Variants in ADARB1 observed in about 807,000 individuals in gnomAD.
ADARB1 encodes adenosine deaminase RNA specific B1.
ADARB1 carries 10 observed loss-of-function variants against 52.4 expected under a neutral mutation model. That is an observed-to-expected ratio of 0.19 (90% CI 0.12 to 0.32). The LOEUF (loss-of-function observed/expected upper bound fraction) is 0.32, where lower values mean the gene tolerates loss of function less well. Ranked by LOEUF, ADARB1 falls within the 10% of genes least tolerant of loss-of-function variation. The probability of loss-of-function intolerance (pLI) is 1.00; values close to 1 mark genes in which losing one functional copy is unlikely to be tolerated. For missense variants in ADARB1, 643 were observed against 922.3 expected (o/e 0.70, Z 3.92); for synonymous variants, 349 against 371.1 (o/e 0.94, Z 0.68).
Position 45,224,407 on chromosome 21 carries a change from G to A in ADARB1, c.*2210G>A, listed in dbSNP as rs898241593. 151 of 980,316 alleles carry A rather than the reference G, an allele frequency of 1.5e-4. No individual in the cohort carries two copies. In the African/African-American group the frequency reaches 2.3e-3, roughly 15 times the overall value. 60.7% of individuals were successfully genotyped at this position (980,316 alleles called of 1,614,324 possible). On this transcript the variant is annotated 3_prime_UTR_variant, in exon 11 of 11. Coordinates refer to ENST00000348831, the MANE Select transcript of ADARB1 (RefSeq NM_001112.4). ...GCACCTTTCCGGGGTGGACTCGTGC[G>A]GCCTTGAGGACAGGCACAGGGCACC... is the stretch of plus-strand genomic sequence containing the variant.
Position 45,208,435 on chromosome 21 carries a change from A to G in ADARB1, c.1747+3699A>G, listed in dbSNP as rs568746419. Among the ~76,000 whole-genome samples the G allele has an allele frequency of 6.6e-6, 1 of 152,336 alleles. No homozygotes were observed. The highest frequency in any genetic ancestry group is 1.5e-5 in the Non-Finnish European group (1 of 68,036). ...CTCTGGGAGGACAGCACAGGGACCC[A>G]AGGGGGCTGGCAGCAGGCCCAGGTG... On this transcript the variant is annotated intron_variant, in intron 9 of 10. Transcript: ENST00000348831. The surrounding 1 kb of genome is among the most constrained non-coding windows in gnomAD (Gnocchi z 5.6).
At chr21:45,156,606 T>G (rs1002047923) in intron 2 of ADARB1, among the ~76,000 whole-genome samples, 1 of 144,206 alleles carries the variant, frequency 6.9e-6, no homozygotes, top group Non-Finnish European at 1.5e-5. Context: ...CTTCCATCCA[T>G]CCACCCACCC....
chr21:45,176,517 G>A lies in ADARB1; in HGVS notation c.816G>A (p.Gln272=). Reference sequence around the variant, plus strand: ...TCATGTCTGTGGTCGTGGATGGTCAGTTCTTTGAAGGCTCGGGGAGAAACA... The same window carrying A: ...TCATGTCTGTGGTCGTGGATGGTCAATTCTTTGAAGGCTCGGGGAGAAACA... ...SFVMSVVVDG[Q]FFEGSGRNKK... Residue 272 remains glutamine, a synonymous_variant, in exon 4 of 11, where the codon CAG becomes CAA. Coordinates refer to ENST00000348831, the MANE Select transcript of ADARB1 (RefSeq NM_001112.4). This position sits in a 1 kb window ranked among gnomAD's most constrained non-coding sequence, Gnocchi z 5.8. 6.2e-7 allele frequency: 1 copy of A among 1,614,234 alleles called. No individual in the cohort carries two copies. Among genetic ancestry groups the A allele is most frequent in the Non-Finnish European group, 8.5e-7 (1 of 1,180,046 alleles).
chr21:45,098,034 C>T (rs2086839489), intron 1 of ADARB1, among the ~76,000 whole-genome samples: 1 of 152,138 alleles, frequency 6.6e-6, no homozygotes, highest in South Asian at 2.1e-4. Flanking sequence ...GGCAGTCATC[C>T]TAGCCACCTC....
chr21:45,182,435 G>A, intron 5 of ADARB1, 150 bp from the exon 6 acceptor site: 1 of 755,170 alleles, frequency 1.3e-6, no homozygotes. Flanking sequence ...TAAAAAATAG[G>A]TGGTAAGAAT....
chr21:45,137,552 G>A (rs1279465980), intron 2 of ADARB1, among the ~76,000 whole-genome samples: 2 of 152,204 alleles, frequency 1.3e-5, no homozygotes, highest in African/African-American at 2.4e-5. Flanking sequence ...CCATCAATCC[G>A]ATTTAAAATA....
chr21:45,191,898 T>A (rs1352605498), intron 8 of ADARB1, among the ~76,000 whole-genome samples: 46 of 43,702 alleles, frequency 1.1e-3, no homozygotes, highest in East Asian at 3.5e-3. Context: ...TTTTTTTTTT[T>A]TTTTTTTTTT....
At chr21:45,163,313 C>G (rs1569098368) in intron 2 of ADARB1, among the ~76,000 whole-genome samples, 1 of 152,238 alleles carries the variant, frequency 6.6e-6, no homozygotes, top group East Asian at 1.9e-4. Context: ...GCACAGGTAA[C>G]ATTCCCTGGC....
chr21:45,148,659 A>G lies in ADARB1; in HGVS notation c.-48+20086A>G, dbSNP rs140681934. On this transcript the variant is annotated intron_variant, in intron 2 of 10. Coordinates refer to ENST00000348831, the MANE Select transcript of ADARB1 (RefSeq NM_001112.4). ...GCTGGTGCTGAGTTCTGCAGCAGTC[A>G]AGAAGTAGAGCAGAGCTGAAATCCT... 3.7e-3 allele frequency among the ~76,000 whole-genome samples: 560 copies of G among 152,294 alleles called. 2 individuals are homozygous for G. The highest frequency in any genetic ancestry group is 5.6e-3 in the Non-Finnish European group (378 of 68,004).
rs140830100 is a variant in ADARB1, at chr21:45,208,625, CGTGTGTGTGTGTGT to C, written c.1747+3891_1747+3904del. On this transcript the variant is annotated intron_variant, in intron 9 of 10. Coordinates refer to ENST00000348831, the MANE Select transcript of ADARB1 (RefSeq NM_001112.4). The surrounding 1 kb of genome is among the most constrained non-coding windows in gnomAD (Gnocchi z 5.6). ...TGGAAAGTGTGTGTGTGTATGTGTG[CGTGTGTGTGTGTGT>C]GAGTGCATGTGAGTGTGTGCATGAG... is the stretch of plus-strand genomic sequence containing the variant. 6.7e-6 allele frequency among the ~76,000 whole-genome samples: 1 copy of C among 149,188 alleles called. No homozygotes were observed. The highest frequency in any genetic ancestry group is 1.5e-5 in the Non-Finnish European group (1 of 66,884).
At chr21:45,096,142 A>G (rs1428128028) in intron 1 of ADARB1, among the ~76,000 whole-genome samples, 1 of 152,244 alleles carries the variant, frequency 6.6e-6, no homozygotes, top group Non-Finnish European at 1.5e-5. Context: ...GCTGGGGGCA[A>G]GCCCCTTCCA....
rs556307322 is a variant in ADARB1, at chr21:45,104,025, G to A, written c.-219-24377G>A. Among the ~76,000 whole-genome samples, 9 of 152,298 alleles carry A rather than the reference G, an allele frequency of 5.9e-5. No homozygotes were observed. In the South Asian group the frequency reaches 1.7e-3, roughly 28 times the overall value. ...TTATCGAACCAGGCCCCAGGGGTCA[G>A]TGACGGTTGATCTCCAAGGGGTTCA... is the stretch of plus-strand genomic sequence containing the variant. On this transcript the variant is annotated intron_variant, in intron 1 of 10. Transcript: ENST00000348831.
chr21:45,095,699 G>C (rs2086730259), intron 1 of ADARB1, among the ~76,000 whole-genome samples: 1 of 152,174 alleles, frequency 6.6e-6, no homozygotes, highest in African/African-American at 2.4e-5. Context: ...GGCAGGAAGG[G>C]GTGTCTCTGC....
At chr21:45,078,730 T>C (rs1396745610) in intron 1 of ADARB1, among the ~76,000 whole-genome samples, 1 of 152,144 alleles carries the variant, frequency 6.6e-6, no homozygotes, top group African/African-American at 2.4e-5. Flanking sequence ...GATTTTAAGT[T>C]TGATGGGAAG....
chr21:45,182,851 G>GA lies in ADARB1; in HGVS notation c.1247+102dup, dbSNP rs372949334. On this transcript the variant is annotated intron_variant, in intron 6 of 10. Transcript: ENST00000348831. Reference sequence around the variant, plus strand: ...ACCTTTCATTGTTTCTGTAATCATGGAAAATCTCTCAAAATCATAACTTTA... The same window carrying GA: ...ACCTTTCATTGTTTCTGTAATCATGGAAAAATCTCTCAAAATCATAACTTTA... The GA allele has an allele frequency of 3.9e-5, 46 of 1,182,046 alleles. No homozygotes were observed. The African/African-American group carries it at 5.9e-4, about 15-fold the overall frequency. The allele number at this position is 1,182,046 out of a possible 1,614,324, so 73.2% of individuals were successfully genotyped here.
intron 7 of ADARB1, 73 bp from the exon 8 acceptor site, chr21:45,184,850 G>A: frequency 6.9e-7 from 1 of 1,441,194 alleles, no homozygotes; most frequent in Non-Finnish European, 9.5e-7. Context: ...ATAAGCTATT[G>A]TTAGATGTGC....
At position 45,184,803 on chromosome 21, in the gene ADARB1, CAT is replaced by C. The variant is rs1199216037; in HGVS notation, c.1397-117_1397-116del. The C allele has an allele frequency of 6.0e-5, 66 of 1,101,168 alleles. No homozygotes were observed. In the East Asian group the frequency reaches 1.2e-3, roughly 20 times the overall value. 68.2% of individuals were successfully genotyped at this position (1,101,168 alleles called of 1,614,324 possible). A position where few individuals can be genotyped will look rare whatever the true frequency, so the allele number is the denominator to read the frequency against. On this transcript the variant is annotated intron_variant, in intron 7 of 10. Transcript: ENST00000348831. ...GTGTATTTTGTATGTATGGCATAAA[CAT>C]ATGCATTTATATGCACAGACTGTAT...
intron 8 of ADARB1, among the ~76,000 whole-genome samples, chr21:45,197,404 G>A (rs1319040184): frequency 6.6e-6 from 1 of 151,828 alleles, no homozygotes. Context: ...GGAGGCTGAG[G>A]CAGGAGTATC....
intron 5 of ADARB1, 80 bp downstream of exon 5, chr21:45,180,524 A>T (rs1174885930): frequency 2.6e-6 from 3 of 1,138,462 alleles, no homozygotes; most frequent in East Asian, 2.5e-5. Flanking sequence ...GACAAAAACC[A>T]CTGTGCCACA....
Sources: allele counts gnomAD v4.1 joint callset (sites outside exome capture counted in the v4.1 genomes callset), GRCh38; gene constraint gnomAD v4.1.1; non-coding constraint Gnocchi (gnomAD v3.1); transcripts MANE v1.5; gene names NCBI Gene and HGNC (gene_info 2026-07-23, HGNC 2026-07-21).